The following C11orf65 variants were observed in gnomAD, a reference collection of about 807,000 sequenced individuals.
The protein encoded by C11orf65 is protein MFI.
Under a neutral mutation model 35.3 loss-of-function variants are expected in C11orf65, and 38 were observed. The observed-to-expected ratio is 1.08, with a 90% CI of 0.83 to 1.41. The LOEUF (loss-of-function observed/expected upper bound fraction) is 1.41. Among genes scored for constraint, C11orf65 ranks in the 40% most tolerant of loss-of-function variants. C11orf65 has a pLI of 0.00. For missense variants in C11orf65, 370 were observed against 367.1 expected (o/e 1.01, Z -0.06); for synonymous variants, 105 against 114.4 (o/e 0.92, Z 0.53).
chr11:108,370,288 A>T (rs1307709672), intron 2 of C11orf65, among the ~76,000 whole-genome samples: 1 of 152,086 alleles, frequency 6.6e-6, no homozygotes, highest in Non-Finnish European at 1.5e-5. Context: ...TCTATCCAGT[A>T]ACCACAGTAA....
chr11:108,310,922 T>C (rs916468905), intron 6 of C11orf65, among the ~76,000 whole-genome samples: 1 of 152,006 alleles, frequency 6.6e-6, no homozygotes, highest in Non-Finnish European at 1.5e-5. Flanking sequence ...AAAGTAAGAG[T>C]AAAAAATAAA....
At chr11:108,448,325 C>A (rs546374252) in intron 2 of C11orf65, among the ~76,000 whole-genome samples, 1 of 152,116 alleles carries the variant, frequency 6.6e-6, no homozygotes, top group African/African-American at 2.4e-5. Context: ...GGCAGAGACA[C>A]AACCGAAAAA....
At chr11:108,383,515 G>C (rs2091911919) in intron 8 of C11orf65, among the ~76,000 whole-genome samples, 1 of 152,222 alleles carries the variant, frequency 6.6e-6, no homozygotes, top group South Asian at 2.1e-4. Flanking sequence ...ATTCCTGCAA[G>C]AGTTAAATGT....
At chr11:108,320,711 T>C (rs1273997416) in intron 6 of C11orf65, among the ~76,000 whole-genome samples, 3 of 152,074 alleles carry the variant, frequency 2.0e-5, no homozygotes, top group African/African-American at 7.2e-5. Flanking sequence ...GATTCCAAGG[T>C]TTACAGTTGA....
intron 2 of C11orf65, among the ~76,000 whole-genome samples, chr11:108,337,225 C>T (rs1323799309): frequency 6.6e-6 from 1 of 152,160 alleles, no homozygotes; most frequent in Non-Finnish European, 1.5e-5. Context: ...GAGGGGCATA[C>T]TGTTCATTAA....
chr11:108,317,405 T>C (rs2136164061), intron 6 of C11orf65: 1 of 1,612,454 alleles, frequency 6.2e-7, no homozygotes, highest in Non-Finnish European at 8.5e-7. Flanking sequence ...GCCATATTCT[T>C]TCCGTCTATT....
rs570101850 is a variant in C11orf65, at chr11:108,442,052, T to C, written c.82-10214A>G. On this transcript the variant is annotated intron_variant, in intron 2 of 8. Coordinates refer to ENST00000393084, the MANE Select transcript of C11orf65 (RefSeq NM_152587.5). ...CGAGCTAAAGGAGGATGTTCAAACC[T>C]ATCACAAAGAAGCTAAAAACCTTGA... is the stretch of plus-strand genomic sequence containing the variant. Among the ~76,000 whole-genome samples, 7 of 152,178 alleles carry C rather than the reference T, an allele frequency of 4.6e-5. No individual in the cohort carries two copies. The East Asian group carries it at 1.2e-3, about 25-fold the overall frequency.
intron 2 of C11orf65, among the ~76,000 whole-genome samples, chr11:108,432,186 T>C (rs1331928151): frequency 2.0e-5 from 3 of 152,220 alleles, no homozygotes; most frequent in Admixed American, 1.3e-4. Context: ...TGGGATACTC[T>C]TGTCTGGGTT....
At chr11:108,461,947 A>G (rs939102527) in intron 1 of C11orf65, among the ~76,000 whole-genome samples, 1 of 152,202 alleles carries the variant, frequency 6.6e-6, no homozygotes, top group Non-Finnish European at 1.5e-5. Flanking sequence ...GCTCTATTAT[A>G]AAACTACCAC....
chr11:108,396,113 T>C (rs1227061492), intron 6 of C11orf65, among the ~76,000 whole-genome samples: 1 of 151,462 alleles, frequency 6.6e-6, no homozygotes, highest in East Asian at 2.0e-4. Context: ...TAATGATCCA[T>C]GAGAGCAAAT....
intron 6 of C11orf65, among the ~76,000 whole-genome samples, chr11:108,314,585 C>T (rs1011760006): frequency 2.6e-5 from 4 of 151,874 alleles, no homozygotes; most frequent in African/African-American, 9.7e-5. Context: ...TACTGTGTTG[C>T]TGATCCAAAT....
chr11:108,446,596 A>G (rs1191666413), intron 2 of C11orf65, among the ~76,000 whole-genome samples: 1 of 152,146 alleles, frequency 6.6e-6, no homozygotes, highest in Non-Finnish European at 1.5e-5. Context: ...ACATTTTGTC[A>G]CCACCAGGCC....
chr11:108,308,826 G>C (rs1384964008), exon 7 of C11orf65: 1 of 556,378 alleles, frequency 1.8e-6, no homozygotes, highest in Non-Finnish European at 3.2e-6. Context: ...ATGCTTTTCA[G>C]TGTCTTTGCT....
At position 108,354,892 on chromosome 11, in the gene C11orf65, G is replaced by A. The variant is rs969877924; in HGVS notation, c.227-19600C>T. 2 of 1,598,266 alleles carry A rather than the reference G, an allele frequency of 1.3e-6. No homozygotes were observed. Among genetic ancestry groups the A allele is most frequent in the Non-Finnish European group, 8.6e-7 (1 of 1,165,792 alleles). On this transcript the variant is annotated intron_variant, in intron 2 of 3. Transcript: ENST00000524755. ...TTGTAGAGGTAAAGTATTTTATAAGGAAGACTTTATTTTTTTTCTTACCAG... is the reference window on the plus strand; with the variant it reads ...TTGTAGAGGTAAAGTATTTTATAAGAAAGACTTTATTTTTTTTCTTACCAG...
intron 2 of C11orf65, among the ~76,000 whole-genome samples, chr11:108,456,022 A>G (rs560453305): frequency 1.3e-3 from 187 of 147,624 alleles, no homozygotes; most frequent in Non-Finnish European, 2.4e-3. Context: ...AGGCATGGTG[A>G]CCCATGCCTG....
chr11:108,354,480 C>A lies in C11orf65; in HGVS notation c.227-19188G>T, dbSNP rs952779022. Among the ~76,000 whole-genome samples the A allele has an allele frequency of 3.3e-5, 5 of 152,340 alleles. No homozygotes were observed. In the East Asian group the frequency reaches 7.7e-4, roughly 23 times the overall value. On this transcript the variant is annotated intron_variant, in intron 2 of 3. Transcript: ENST00000524755. ...TCCCAGCATAGGTCTGTGTACTCAA[C>A]TTGGATTGGGGCAGATTGCAGTCAG... is the stretch of plus-strand genomic sequence containing the variant.
downstream of C11orf65, chr11:108,330,372 C>T (rs759728261): frequency 1.9e-6 from 3 of 1,613,982 alleles, no homozygotes; most frequent in Non-Finnish European, 1.7e-6. Flanking sequence ...CGACTTTGTT[C>T]CCTCTGGCTT....
chr11:108,427,556 A>T (rs1482870997), intron 3 of C11orf65, among the ~76,000 whole-genome samples: 3 of 148,116 alleles, frequency 2.0e-5, no homozygotes, highest in Non-Finnish European at 4.5e-5. Context: ...CGTCTCTACT[A>T]AAAAAAAATA....
intron 7 of C11orf65, among the ~76,000 whole-genome samples, chr11:108,390,011 TTTTA>T (rs1412120761): frequency 6.8e-6 from 1 of 147,580 alleles, no homozygotes; most frequent in African/African-American, 2.5e-5. Flanking sequence ...TTTTTATTTA[TTTTA>T]TTTTTTATTT....
Sources: allele counts gnomAD v4.1 joint callset (sites outside exome capture counted in the v4.1 genomes callset), GRCh38; gene constraint gnomAD v4.1.1; transcripts MANE v1.5; gene names NCBI Gene and HGNC (gene_info 2026-07-23, HGNC 2026-07-21).